The following CSMD1 variants were observed in gnomAD, a reference collection of about 807,000 sequenced individuals.
The protein encoded by CSMD1 is CUB and Sushi multiple domains 1.
Under a neutral mutation model 417.5 loss-of-function variants are expected in CSMD1, and 213 were observed. The ratio of observed to expected loss-of-function variants is 0.51; its 90% CI spans 0.46 to 0.57. CSMD1 has a LOEUF of 0.57. Among genes scored for constraint, CSMD1 ranks in the 20% least tolerant of loss-of-function variants. The pLI is 0.00. For missense variants in CSMD1, 6,923 were observed against 4,529.7 expected (o/e 1.53, Z -15.17); for synonymous variants, 2,862 against 1,736.8 (o/e 1.65, Z -16.11).
intron 37 of CSMD1, among the ~76,000 whole-genome samples, chr8:3,170,851 T>C (rs1820541048): frequency 6.6e-6 from 1 of 152,250 alleles, no homozygotes; most frequent in Admixed American, 6.5e-5. Flanking sequence ...TGATTGGACA[T>C]TATTACCTAA....
At chr8:4,720,615 C>T (rs1382024708) in intron 1 of CSMD1, among the ~76,000 whole-genome samples, 1 of 152,108 alleles carries the variant, frequency 6.6e-6, no homozygotes, top group Non-Finnish European at 1.5e-5. Flanking sequence ...CAGGGTTTCA[C>T]CATGTTGGCC....
chr8:3,276,417 T>C (rs71502952), intron 26 of CSMD1, among the ~76,000 whole-genome samples: 41,809 of 152,096 alleles, frequency 0.27, 5,973 homozygotes, highest in African/African-American at 0.34. Flanking sequence ...CATCTTGGCT[T>C]CTCCGACTGC....
intron 23 of CSMD1, among the ~76,000 whole-genome samples, chr8:3,322,051 T>C (rs1405737223): frequency 2.0e-5 from 3 of 152,224 alleles, no homozygotes; most frequent in Non-Finnish European, 4.4e-5. Context: ...ATTTACATAA[T>C]AAACATTTCC....
At chr8:4,003,942 G>C (rs372836226) in intron 4 of CSMD1, among the ~76,000 whole-genome samples, 3 of 151,438 alleles carry the variant, frequency 2.0e-5, no homozygotes, top group East Asian at 1.9e-4. Flanking sequence ...TTAGAAAACA[G>C]AACAAAACAA....
rs148526788 is a variant in CSMD1, at chr8:4,948,646, T to C, written c.85+45686A>G. On this transcript the variant is annotated intron_variant, in intron 1 of 69. Transcript: ENST00000635120. ...AAATTATCACTGAAATATAGTATTA[T>C]AAATATGTTGCTAGGTTGCTAAACT... Among the ~76,000 whole-genome samples the C allele has an allele frequency of 3.4e-3, 514 of 152,236 alleles. 5 individuals are homozygous for C. Among genetic ancestry groups the C allele is most frequent in the African/African-American group, 0.012 (491 of 41,578 alleles).
chr8:4,235,910 G>T (rs1802019655), intron 3 of CSMD1, among the ~76,000 whole-genome samples: 1 of 152,116 alleles, frequency 6.6e-6, no homozygotes, highest in African/African-American at 2.4e-5. Flanking sequence ...CTGAGCCGCA[G>T]CTTCCGCCAA....
chr8:4,445,799 G>C lies in CSMD1; in HGVS notation c.303-25734C>G, dbSNP rs73660833. ...AAATCACAGAAATGTGTCAGAAATAGATGATTAACGAGAATGTTTAAATTG... is the reference window on the plus strand; with the variant it reads ...AAATCACAGAAATGTGTCAGAAATACATGATTAACGAGAATGTTTAAATTG... On this transcript the variant is annotated intron_variant, in intron 2 of 69. Coordinates refer to ENST00000635120, the MANE Select transcript of CSMD1 (RefSeq NM_033225.6). 6.6e-3 allele frequency among the ~76,000 whole-genome samples: 998 copies of C among 152,318 alleles called. 13 individuals are homozygous for C. Among genetic ancestry groups the C allele is most frequent in the African/African-American group, 0.023 (951 of 41,570 alleles).
chr8:3,387,547 G>A lies in CSMD1; in HGVS notation c.2729C>T (p.Pro910Leu). The A allele has an allele frequency of 6.2e-7, 1 of 1,602,024 alleles. No individual in the cohort carries two copies. The highest frequency in any genetic ancestry group is 8.5e-7 in the Non-Finnish European group (1 of 1,174,258). ...CTGGTGGTTCCTCTCACAGACGAGG[G>A]GCTCGTCGTCACTTAGTGTGTACCC... Reference protein sequence around the residue: ...DPGYTLSDDEPLVCERNHQWN... With the variant: ...DPGYTLSDDELLVCERNHQWN... Residue 910 changes from proline to leucine, a missense_variant, in exon 18 of 70, where the codon CCC (proline) becomes CTC (leucine). Transcript: ENST00000635120.
At chr8:4,424,851 C>T (rs542986228) in intron 2 of CSMD1, among the ~76,000 whole-genome samples, 1 of 152,144 alleles carries the variant, frequency 6.6e-6, no homozygotes, top group Non-Finnish European at 1.5e-5. Flanking sequence ...ATACAGTACA[C>T]AGAAACTCTT....
chr8:3,277,739 C>G (rs7813507), intron 26 of CSMD1, among the ~76,000 whole-genome samples: 41,859 of 152,034 alleles, frequency 0.28, 5,986 homozygotes, highest in African/African-American at 0.34. Flanking sequence ...CAGGTGGACA[C>G]TCAGGGGAGA....
chr8:4,149,734 C>G (rs942826946), intron 3 of CSMD1, among the ~76,000 whole-genome samples: 1 of 152,186 alleles, frequency 6.6e-6, no homozygotes, highest in Non-Finnish European at 1.5e-5. Context: ...TCCAAATAAC[C>G]TCAACTCCAA....
intron 12 of CSMD1, among the ~76,000 whole-genome samples, chr8:3,444,363 C>G (rs917013409): frequency 1.3e-5 from 2 of 152,154 alleles, no homozygotes; most frequent in African/African-American, 4.8e-5. Context: ...TTAGCATCAA[C>G]AAAGATAATA....
At chr8:4,748,345 A>C (rs1461453653) in intron 1 of CSMD1, among the ~76,000 whole-genome samples, 1 of 152,228 alleles carries the variant, frequency 6.6e-6, no homozygotes, top group African/African-American at 2.4e-5. Context: ...TGCATATGGA[A>C]ATTTGTTTTC....
intron 3 of CSMD1, among the ~76,000 whole-genome samples, chr8:4,238,116 G>A (rs537598226): frequency 6.6e-6 from 1 of 152,090 alleles, no homozygotes; most frequent in Admixed American, 6.5e-5. Flanking sequence ...TTTCAGTCAT[G>A]TCTGCCCCTG....
At chr8:3,441,328 T>C (rs1333737950) in intron 12 of CSMD1, among the ~76,000 whole-genome samples, 1 of 152,098 alleles carries the variant, frequency 6.6e-6, no homozygotes, top group Non-Finnish European at 1.5e-5. Flanking sequence ...AGGAAACTAA[T>C]AGGGGTGTTG....
intron 5 of CSMD1, among the ~76,000 whole-genome samples, chr8:3,777,908 T>G (rs1254278936): frequency 6.7e-6 from 1 of 149,604 alleles, no homozygotes; most frequent in African/African-American, 2.5e-5. Context: ...CAGTTCCCAC[T>G]CCAGACCCGC....
chr8:3,125,658 A>G (rs964434441), intron 41 of CSMD1, among the ~76,000 whole-genome samples: 1 of 152,140 alleles, frequency 6.6e-6, no homozygotes, highest in Non-Finnish European at 1.5e-5. Flanking sequence ...GTTCTATAAG[A>G]GTTGTTGTAT....
At chr8:4,925,246 G>A (rs1389503710) in intron 1 of CSMD1, among the ~76,000 whole-genome samples, 1 of 72,702 alleles carries the variant, frequency 1.4e-5, no homozygotes, top group African/African-American at 5.4e-5. Context: ...TTTTTGCAGT[G>A]TGGCCCACTT....
intron 1 of CSMD1, among the ~76,000 whole-genome samples, chr8:4,929,080 C>CA (rs919896131): frequency 3.3e-5 from 5 of 151,870 alleles, no homozygotes; most frequent in East Asian, 3.9e-4. Context: ...TAAACAACAA[C>CA]AAAAAAAGGC....
Sources: allele counts gnomAD v4.1 joint callset (sites outside exome capture counted in the v4.1 genomes callset), GRCh38; gene constraint gnomAD v4.1.1; transcripts MANE v1.5; gene names NCBI Gene and HGNC (gene_info 2026-07-23, HGNC 2026-07-21).